The following HORMAD2 variants were observed in gnomAD, a reference collection of about 807,000 sequenced individuals.
The protein encoded by HORMAD2 is HORMA domain containing 2.
Under a neutral mutation model 38.8 loss-of-function variants are expected in HORMAD2, and 45 were observed. The observed-to-expected ratio is 1.16, with a 90% CI of 0.91 to 1.49. The LOEUF is 1.49. Ranked by LOEUF, HORMAD2 falls within the 40% of genes most tolerant of loss-of-function variation. HORMAD2 has a pLI of 0.00. For missense variants in HORMAD2, 338 were observed against 367.0 expected (o/e 0.92, Z 0.65); for synonymous variants, 126 against 122.8 (o/e 1.03, Z -0.17).
the HORMAD2 span, among the ~76,000 whole-genome samples, chr22:30,187,884 G>T: frequency 1.3e-5 from 2 of 151,964 alleles, no homozygotes; most frequent in African/African-American, 4.8e-5. Context: ...GGGCAAGGTA[G>T]CAGGGGCAGT....
intron 10 of HORMAD2, among the ~76,000 whole-genome samples, chr22:30,171,197 T>G (rs1218242850): frequency 6.6e-6 from 1 of 152,306 alleles, no homozygotes; most frequent in Non-Finnish European, 1.5e-5. Context: ...TCCACACCCA[T>G]GGCATTAGTT....
chr22:30,203,676 A>G, the HORMAD2 span, among the ~76,000 whole-genome samples: 1 of 152,182 alleles, frequency 6.6e-6, no homozygotes, highest in African/African-American at 2.4e-5. Flanking sequence ...ACACTCCTAT[A>G]TGTGAGTATG....
chr22:30,187,962 C>G, the HORMAD2 span, among the ~76,000 whole-genome samples: 2 of 152,042 alleles, frequency 1.3e-5, no homozygotes, highest in Non-Finnish European at 2.9e-5. Context: ...CAACAGGAAA[C>G]CCAAAGTGCT....
intron 10 of HORMAD2, among the ~76,000 whole-genome samples, chr22:30,160,996 A>G (rs1925408074): frequency 6.6e-6 from 1 of 152,110 alleles, no homozygotes; most frequent in African/African-American, 2.4e-5. Flanking sequence ...ATTTCTCTTC[A>G]ATTGAATTTA....
At chr22:30,138,219 CAT>C (rs1307946501) in intron 10 of HORMAD2, among the ~76,000 whole-genome samples, 1 of 150,364 alleles carries the variant, frequency 6.7e-6, no homozygotes, top group Non-Finnish European at 1.5e-5. Context: ...TCCTTGGAGA[CAT>C]GTATATTCGG....
chr22:30,121,649 G>A lies in HORMAD2; in HGVS notation c.428G>A (p.Ser143Asn). The A allele has an allele frequency of 6.3e-7, 1 of 1,597,186 alleles. No homozygotes were observed. The highest frequency in any genetic ancestry group is 8.5e-7 in the Non-Finnish European group (1 of 1,171,208). ...MDFDSHSSST[S>N]FESGTNNEDI... ...CTGTGTAGTCATAGCAGCAGTACAA[G>A]CTTTGAAAGTGGAACAAACAATGAA... is the stretch of plus-strand genomic sequence containing the variant. The change falls in exon 9 of 11, where the codon AGC becomes AAC. Residue 143 changes from serine to asparagine, a missense_variant. Coordinates refer to ENST00000336726, the MANE Select transcript of HORMAD2 (RefSeq NM_152510.4).
chr22:30,104,299 C>T (rs1252978012), intron 4 of HORMAD2, 102 bp from the exon 5 acceptor site: 4 of 851,302 alleles, frequency 4.7e-6, no homozygotes, highest in Non-Finnish European at 7.9e-6. Context: ...TGGTTATCAA[C>T]TTAATGTACA....
chr22:30,150,198 A>AT (rs1924663083), intron 10 of HORMAD2, among the ~76,000 whole-genome samples: 1 of 152,024 alleles, frequency 6.6e-6, no homozygotes, highest in Non-Finnish European at 1.5e-5. Flanking sequence ...CAGGTATTCG[A>AT]TTTTTAAAAA....
chr22:30,160,056 C>T (rs1925346469), intron 10 of HORMAD2, among the ~76,000 whole-genome samples: 2 of 152,024 alleles, frequency 1.3e-5, no homozygotes, highest in African/African-American at 2.4e-5. Flanking sequence ...ACTGCTTGTA[C>T]CTTTATTTAG....
the HORMAD2 span, among the ~76,000 whole-genome samples, chr22:30,191,413 C>T: frequency 6.6e-6 from 1 of 152,142 alleles, no homozygotes; most frequent in African/African-American, 2.4e-5. Flanking sequence ...GGGGCTCCTT[C>T]TATGAGTGCT....
the HORMAD2 span, among the ~76,000 whole-genome samples, chr22:30,203,910 A>G: frequency 6.6e-6 from 1 of 152,206 alleles, no homozygotes; most frequent in Non-Finnish European, 1.5e-5. Context: ...ACCCTCATAC[A>G]CAAGCACACA....
chr22:30,096,738 G>A (rs989820825), intron 2 of HORMAD2, among the ~76,000 whole-genome samples: 1 of 152,014 alleles, frequency 6.6e-6, no homozygotes, highest in African/African-American at 2.4e-5. Flanking sequence ...CAAAGTGCTG[G>A]GATTGCAGGT....
Position 30,147,746 on chromosome 22 carries a change from T to A in HORMAD2, c.819+25532T>A, listed in dbSNP as rs548712513. 2.6e-5 allele frequency among the ~76,000 whole-genome samples: 4 copies of A among 152,190 alleles called. 1 individual carries two copies. The South Asian group carries it at 8.3e-4, about 32-fold the overall frequency. ...TGTATTTAGACTACATTTAAAAAAA[T>A]CTACAACATAATAATAAGACAACTC... On this transcript the variant is annotated intron_variant, in intron 10 of 10. Coordinates refer to ENST00000336726, the MANE Select transcript of HORMAD2 (RefSeq NM_152510.4).
intron 10 of HORMAD2, among the ~76,000 whole-genome samples, chr22:30,148,091 C>T (rs1216865770): frequency 2.0e-5 from 3 of 152,078 alleles, no homozygotes; most frequent in African/African-American, 2.4e-5. Context: ...AATTAACCCG[C>T]GTGTCCATCA....
chr22:30,147,723 T>C (rs745650371), intron 10 of HORMAD2, among the ~76,000 whole-genome samples: 1 of 152,208 alleles, frequency 6.6e-6, no homozygotes, highest in Non-Finnish European at 1.5e-5. Context: ...AAAGAACTTG[T>C]ATTTAGACTA....
downstream of HORMAD2, among the ~76,000 whole-genome samples, chr22:30,180,929 CT>C (rs1926680883): frequency 1.4e-4 from 3 of 21,866 alleles, no homozygotes; most frequent in Non-Finnish European, 2.6e-4. Flanking sequence ...TCCCTCTCCT[CT>C]CCTCTCCTCT....
At chr22:30,135,495 A>G (rs1923589577) in intron 10 of HORMAD2, among the ~76,000 whole-genome samples, 1 of 152,096 alleles carries the variant, frequency 6.6e-6, no homozygotes, top group African/African-American at 2.4e-5. Flanking sequence ...ATCAGAGGGC[A>G]GGGAACTATA....
At chr22:30,173,268 G>C (rs781274802) in intron 10 of HORMAD2, among the ~76,000 whole-genome samples, 1 of 152,206 alleles carries the variant, frequency 6.6e-6, no homozygotes, top group South Asian at 2.1e-4. Context: ...GCAGAAGAGC[G>C]ATGTGTCAGA....
At chr22:30,202,837 G>C in the HORMAD2 span, among the ~76,000 whole-genome samples, 1 of 152,286 alleles carries the variant, frequency 6.6e-6, no homozygotes, top group South Asian at 2.1e-4. Context: ...AGAAGGGAGA[G>C]GCCTCCACTC....
Sources: gnomAD v4.1 joint callset for allele counts (sites outside exome capture counted in the v4.1 genomes callset) on GRCh38, gnomAD v4.1.1 for gene constraint, MANE v1.5 for transcripts, NCBI Gene and HGNC (gene_info 2026-07-23, HGNC 2026-07-21) for gene names.